PLPPR1: variants seen among roughly 807,000 people sequenced by gnomAD.
The protein encoded by PLPPR1 is phospholipid phosphatase-related protein type 1.
In PLPPR1, 10 loss-of-function variants were observed where a neutral mutation model predicts 33.1. The observed-to-expected ratio is 0.30, with a 90% CI of 0.19 to 0.51. The LOEUF is 0.51. Ranked by LOEUF, PLPPR1 falls within the 20% of genes least tolerant of loss-of-function variation. The pLI is 0.97. For missense variants in PLPPR1, 304 were observed against 408.1 expected, an observed-to-expected ratio of 0.74 and a Z score of 2.20; for synonymous variants, 151 against 151.0, an observed-to-expected ratio of 1.00 and a Z score of 0.00.
chr9:101,183,323 A>T (rs1432372112), intron 1 of PLPPR1, among the ~76,000 whole-genome samples: 1 of 151,892 alleles, frequency 6.6e-6, no homozygotes, highest in East Asian at 1.9e-4. Context: ...ATTATTCGGC[A>T]GTTAAAAGGA....
intron 1 of PLPPR1, among the ~76,000 whole-genome samples, chr9:101,120,091 T>A (rs1189664272): frequency 2.0e-5 from 3 of 152,264 alleles, no homozygotes; most frequent in Non-Finnish European, 2.9e-5. Context: ...TGTGGCTGAT[T>A]AAGTCACACA....
At chr9:101,076,111 G>A (rs1393847943) in intron 1 of PLPPR1, among the ~76,000 whole-genome samples, 1 of 152,020 alleles carries the variant, frequency 6.6e-6, no homozygotes, top group Non-Finnish European at 1.5e-5. Flanking sequence ...AATATCATCT[G>A]GGAATTCGTG....
intron 1 of PLPPR1, among the ~76,000 whole-genome samples, chr9:101,172,660 C>T (rs1399143079): frequency 6.6e-6 from 1 of 152,060 alleles, no homozygotes; most frequent in Admixed American, 6.6e-5. Flanking sequence ...TCTGCAAACC[C>T]CCAAGTGCTC....
Position 101,136,315 on chromosome 9 carries a change from C to T in PLPPR1, c.-45-49135C>T, listed in dbSNP as rs144659984. Among the ~76,000 whole-genome samples, 12 of 152,292 alleles carry T rather than the reference C, an allele frequency of 7.9e-5. No individual in the cohort carries two copies. The East Asian group carries it at 1.5e-3, about 20-fold the overall frequency. ...ATAATGTTCACATGAATAGCTTATGCGGTCAGTATTAGAGTTGAGAGAGTA... is the reference window on the plus strand; with the variant it reads ...ATAATGTTCACATGAATAGCTTATGTGGTCAGTATTAGAGTTGAGAGAGTA... On this transcript the variant is annotated intron_variant, in intron 1 of 7. Transcript: ENST00000374874.
At chr9:101,148,946 C>T (rs981150665) in intron 1 of PLPPR1, among the ~76,000 whole-genome samples, 1 of 152,154 alleles carries the variant, frequency 6.6e-6, no homozygotes, top group Admixed American at 6.6e-5. Flanking sequence ...TCCCCAAAAC[C>T]TTTTATTAGC....
chr9:101,269,835 C>T (rs1279753522), intron 2 of PLPPR1, 45 bp from the exon 3 acceptor site: 1 of 1,588,530 alleles, frequency 6.3e-7, no homozygotes, highest in Admixed American at 1.7e-5. Flanking sequence ...AAGGGCTGCT[C>T]CGAAGCCCTG....
chr9:101,311,463 A>T lies in PLPPR1; in HGVS notation c.637-1335A>T, dbSNP rs188807370. ...AAGAATACCAACTAACCATAGGCTC[A>T]TGCTTTTAATAGTTTTTAATCTTTC... is the stretch of plus-strand genomic sequence containing the variant. On this transcript the variant is annotated intron_variant, in intron 5 of 7. Transcript: ENST00000374874. Among the ~76,000 whole-genome samples the T allele has an allele frequency of 4.5e-4, 69 of 152,344 alleles. No homozygotes were observed. In the South Asian group the frequency reaches 8.7e-3, roughly 19 times the overall value.
intron 3 of PLPPR1, among the ~76,000 whole-genome samples, chr9:101,279,923 CA>C (rs1828266628): frequency 6.6e-6 from 1 of 151,800 alleles, no homozygotes; most frequent in Admixed American, 6.6e-5. Flanking sequence ...AAGGGCAAAC[CA>C]AACCCAAATT....
chr9:101,264,631 C>A (rs760417377), intron 2 of PLPPR1, among the ~76,000 whole-genome samples: 2 of 152,204 alleles, frequency 1.3e-5, no homozygotes, highest in African/African-American at 4.8e-5. Context: ...AGCACTTAGA[C>A]TGAGTTCAGA....
intron 1 of PLPPR1, among the ~76,000 whole-genome samples, chr9:101,159,202 C>A (rs888437841): frequency 6.6e-6 from 1 of 152,038 alleles, no homozygotes; most frequent in Admixed American, 6.6e-5. Flanking sequence ...GGGAAACAAG[C>A]CCCCAGTCAC....
chr9:101,106,129 C>G lies in PLPPR1; in HGVS notation c.-46+77027C>G, dbSNP rs1037305052. The stretch of plus-strand genomic sequence containing the variant: ...CTTGCCAGTCTGTGTCTTTTAATTG[C>G]AGAATTTAGTCCATTTACATTTAAA... On this transcript the variant is annotated intron_variant, in intron 1 of 7. Coordinates refer to ENST00000374874, the MANE Select transcript of PLPPR1 (RefSeq NM_207299.2). 2.7e-4 allele frequency among the ~76,000 whole-genome samples: 41 copies of G among 151,310 alleles called. No homozygotes were observed. In the South Asian group the frequency reaches 5.2e-3, roughly 19 times the overall value.
chr9:101,186,444 G>C (rs762094086), intron 2 of PLPPR1, among the ~76,000 whole-genome samples: 1 of 151,758 alleles, frequency 6.6e-6, no homozygotes, highest in Non-Finnish European at 1.5e-5. Context: ...CCAGGGGTGA[G>C]CTGTAGCATA....
At chr9:101,038,803 C>G (rs1830042446) in intron 1 of PLPPR1, among the ~76,000 whole-genome samples, 1 of 152,120 alleles carries the variant, frequency 6.6e-6, no homozygotes, top group Non-Finnish European at 1.5e-5. Flanking sequence ...CGTGCCCATC[C>G]TCCCGCCCAT....
chr9:101,306,524 G>A (rs1828862075), intron 4 of PLPPR1, among the ~76,000 whole-genome samples: 1 of 152,184 alleles, frequency 6.6e-6, no homozygotes, highest in Non-Finnish European at 1.5e-5. Context: ...CACAGCCACA[G>A]CAATCACAAC....
chr9:101,147,295 A>G (rs1316719973), intron 1 of PLPPR1, among the ~76,000 whole-genome samples: 2 of 152,014 alleles, frequency 1.3e-5, no homozygotes, highest in Admixed American at 6.6e-5. Flanking sequence ...AGAATTACCC[A>G]TTTTCTGTCT....
At chr9:101,139,133 CA>C (rs1373297304) in intron 1 of PLPPR1, among the ~76,000 whole-genome samples, 2 of 151,862 alleles carry the variant, frequency 1.3e-5, no homozygotes, top group African/African-American at 4.8e-5. Flanking sequence ...ACAACAAATA[CA>C]TGAAAAAAAA....
At chr9:101,054,329 T>C (rs1830257293) in intron 1 of PLPPR1, among the ~76,000 whole-genome samples, 1 of 152,248 alleles carries the variant, frequency 6.6e-6, no homozygotes, top group South Asian at 2.1e-4. Context: ...GCCTGAATTC[T>C]ATAACGTAAT....
At chr9:101,131,324 C>A (rs150825512) in intron 1 of PLPPR1, among the ~76,000 whole-genome samples, 1 of 152,092 alleles carries the variant, frequency 6.6e-6, no homozygotes, top group Non-Finnish European at 1.5e-5. Context: ...ATATTTGAAA[C>A]CTAAGCTGAG....
chr9:101,230,178 A>G (rs1827151556), intron 2 of PLPPR1, among the ~76,000 whole-genome samples: 3 of 152,172 alleles, frequency 2.0e-5, no homozygotes, highest in Admixed American at 2.0e-4. Context: ...ATTCCAGAAT[A>G]AAACCAGGAT....
Sources: allele counts gnomAD v4.1 joint callset (sites outside exome capture counted in the v4.1 genomes callset), GRCh38; gene constraint gnomAD v4.1.1; transcripts MANE v1.5; gene names NCBI Gene and HGNC (gene_info 2026-07-23, HGNC 2026-07-21).